DENND4A: variants seen among roughly 807,000 people sequenced by gnomAD.
DENND4A encodes C-myc promoter-binding protein.
A neutral mutation model predicts 199.3 loss-of-function variants in DENND4A; 70 were observed. The ratio of observed to expected loss-of-function variants is 0.35; its 90% confidence interval spans 0.29 to 0.43. DENND4A has a LOEUF of 0.43. Ranked by LOEUF, DENND4A falls within the 20% of genes least tolerant of loss-of-function variation. The pLI, the probability that DENND4A is intolerant of heterozygous loss-of-function variation, is 1.00. For missense variants in DENND4A, 1,723 were observed against 2,255.8 expected (o/e 0.76, Z 4.78); for synonymous variants, 686 against 766.9 (o/e 0.89, Z 1.74).
intron 32 of DENND4A, among the ~76,000 whole-genome samples, chr15:65,663,217 T>A (rs868396628): frequency 9.7e-4 from 141 of 145,116 alleles, no homozygotes; most frequent in Middle Eastern, 3.6e-3. Flanking sequence ...TTTTTATTTT[T>A]TTTTTTGGTT....
At chr15:65,774,089 G>A (rs552057279) in intron 1 of DENND4A, among the ~76,000 whole-genome samples, 1 of 152,348 alleles carries the variant, frequency 6.6e-6, no homozygotes, top group South Asian at 2.1e-4. Context: ...GGGTGTGGTG[G>A]CTCATGCCTG....
intron 32 of DENND4A, among the ~76,000 whole-genome samples, chr15:65,664,110 C>A (rs2075963477): frequency 6.6e-6 from 1 of 152,034 alleles, no homozygotes; most frequent in Non-Finnish European, 1.5e-5. Context: ...ATCACCACTG[C>A]CTAATTCCAG....
intron 3 of DENND4A, chr15:65,753,966 C>A (rs972654232): frequency 6.6e-6 from 1 of 151,598 alleles, no homozygotes; most frequent in Non-Finnish European, 1.5e-5. Context: ...TCCCAAGTAG[C>A]TGAAATTACA....
At chr15:65,665,500 A>C in intron 29 of DENND4A, 38 bp from the exon 30 acceptor site, 2 of 1,458,426 alleles carry the variant, frequency 1.4e-6, no homozygotes, top group East Asian at 4.6e-5. Flanking sequence ...TGATCCTTAC[A>C]TGATAATTTT....
chr15:65,702,836 T>C (rs976585042), intron 16 of DENND4A, 37 bp downstream of exon 16: 1 of 1,569,188 alleles, frequency 6.4e-7, no homozygotes, highest in African/African-American at 1.4e-5. Flanking sequence ...TATTTCTTGT[T>C]CTAAAATTTG....
chr15:65,739,837 C>T (rs1159010524), intron 5 of DENND4A, among the ~76,000 whole-genome samples: 1 of 152,180 alleles, frequency 6.6e-6, no homozygotes, highest in Admixed American at 6.5e-5. Context: ...CTGTACTACT[C>T]TCTCAGGTCA....
chr15:65,662,788 T>C (rs756013669), intron 32 of DENND4A, among the ~76,000 whole-genome samples: 11 of 152,198 alleles, frequency 7.2e-5, no homozygotes, highest in Non-Finnish European at 1.3e-4. Context: ...TAAGAACATC[T>C]TTCCTCTCTG....
chr15:65,688,348 T>C (rs999296017), intron 23 of DENND4A, among the ~76,000 whole-genome samples: 5 of 152,248 alleles, frequency 3.3e-5, no homozygotes, highest in African/African-American at 1.2e-4. Flanking sequence ...TGAGTCATTC[T>C]GGAGTTGTCT....
intron 22 of DENND4A, among the ~76,000 whole-genome samples, chr15:65,693,347 T>C (rs941858253): frequency 6.6e-6 from 1 of 152,192 alleles, no homozygotes; most frequent in Non-Finnish European, 1.5e-5. Context: ...CCAGTGGCTA[T>C]ACTGTAATCA....
chr15:65,762,621 T>A (rs775092219), intron 1 of DENND4A, among the ~76,000 whole-genome samples: 1 of 152,112 alleles, frequency 6.6e-6, no homozygotes, highest in Non-Finnish European at 1.5e-5. Context: ...AGAGTAAAGC[T>A]CTATCTCCAA....
intron 23 of DENND4A, among the ~76,000 whole-genome samples, chr15:65,678,349 T>G (rs1179970301): frequency 6.6e-6 from 1 of 152,230 alleles, no homozygotes; most frequent in Admixed American, 6.5e-5. Flanking sequence ...CTTTTTTTTC[T>G]TGTATTTTAA....
intron 1 of DENND4A, among the ~76,000 whole-genome samples, chr15:65,765,179 C>T (rs1596646434): frequency 6.6e-6 from 1 of 152,154 alleles, no homozygotes. Flanking sequence ...ACTGGCATCA[C>T]TTAAGTGTTT....
chr15:65,744,568 A>C (rs765199783), intron 4 of DENND4A, among the ~76,000 whole-genome samples: 20 of 151,976 alleles, frequency 1.3e-4, no homozygotes, highest in African/African-American at 4.8e-4. Flanking sequence ...AGTCCTCCCC[A>C]TCACCCCTCT....
At chr15:65,718,106 T>TG in intron 12 of DENND4A, 110 bp from the exon 13 acceptor site, 1 of 764,948 alleles carries the variant, frequency 1.3e-6, no homozygotes, top group South Asian at 1.9e-5. Flanking sequence ...CTCAACTCTT[T>TG]GTTTACATAA....
At chr15:65,739,006 A>AT (rs2076182157) in intron 5 of DENND4A, 131 bp from the exon 6 acceptor site, 8 of 611,122 alleles carry the variant, frequency 1.3e-5, no homozygotes, top group African/African-American at 1.9e-5. Context: ...TTCATCAAAT[A>AT]ACACTGAATA....
At chr15:65,716,331 G>C (rs1220759922) in intron 13 of DENND4A, among the ~76,000 whole-genome samples, 1 of 150,510 alleles carries the variant, frequency 6.6e-6, no homozygotes. Context: ...TGCCATGTTG[G>C]TGTGCTGCAC....
In DENND4A at chr15:65,702,530, T is replaced by C. The variant is rs1265973578; in HGVS notation, c.2224-19A>G. On this transcript the variant is annotated intron_variant, in intron 16 of 32. Transcript: ENST00000443035. Reference sequence around the variant, plus strand: ...TAATTTCCTGGAAAAAATATAAAGATCTTACTAATAAATTTATGCACTTAG... The same window carrying C: ...TAATTTCCTGGAAAAAATATAAAGACCTTACTAATAAATTTATGCACTTAG... The C allele has an allele frequency of 6.5e-7, 1 of 1,546,202 alleles. No individual in the cohort carries two copies. Among genetic ancestry groups the C allele is most frequent in the Non-Finnish European group, 8.8e-7 (1 of 1,141,076 alleles).
At position 65,702,329 on chromosome 15, in the gene DENND4A, T is replaced by C. The variant is rs1314064268; in HGVS notation, c.2406A>G (p.Ser802=). 1.9e-6 allele frequency: 3 copies of C among 1,552,230 alleles called. No homozygotes were observed. The highest frequency in any genetic ancestry group is 2.4e-5 in the South Asian group (2 of 84,062). The change falls in exon 17 of 33, where the codon TCA becomes TCG. Residue 802 remains serine (S), a synonymous_variant. Transcript: ENST00000443035. The part of the protein sequence containing the change: ...TAYDVLKKMQ[S]KKMDPPDEVC... ...CCTCATCAGGTGGATCCATCTTCTTTGACTGCATTTTTTTAAGCACATCAT... is the reference window on the plus strand; with the variant it reads ...CCTCATCAGGTGGATCCATCTTCTTCGACTGCATTTTTTTAAGCACATCAT...
chr15:65,665,142 C>CAA, intron 30 of DENND4A: 1 of 466,736 alleles, frequency 2.1e-6, no homozygotes, highest in Non-Finnish European at 3.7e-6. Flanking sequence ...AAACAAAAAA[C>CAA]AAAAAAAAAC....
Sources: allele counts gnomAD v4.1 joint callset (sites outside exome capture counted in the v4.1 genomes callset), GRCh38; gene constraint gnomAD v4.1.1; transcripts MANE v1.5; gene names NCBI Gene and HGNC (gene_info 2026-07-23, HGNC 2026-07-21).